The following POLK variants were observed in gnomAD, a reference collection of about 807,000 sequenced individuals.
The protein encoded by POLK is DNA polymerase kappa.
Under a neutral mutation model 94.0 loss-of-function variants are expected in POLK, and 76 were observed. That is an observed-to-expected ratio of 0.81 (90% CI 0.67 to 0.98). The LOEUF is 0.98. Among genes scored for constraint, POLK ranks in the 50% least tolerant of loss-of-function variants. The pLI is 0.00. For missense variants in POLK, 954 were observed against 1,010.1 expected, an observed-to-expected ratio of 0.94 and a Z score of 0.75; for synonymous variants, 349 against 325.4, an observed-to-expected ratio of 1.07 and a Z score of -0.78.
intron 3 of POLK, among the ~76,000 whole-genome samples, chr5:75,553,637 T>G (rs1770438345): frequency 6.6e-6 from 1 of 152,216 alleles, no homozygotes; most frequent in Non-Finnish European, 1.5e-5. Context: ...TTTCAGTTTT[T>G]TATTTCATAC....
intron 1 of POLK, among the ~76,000 whole-genome samples, chr5:75,534,390 T>A (rs1769344492): frequency 6.6e-6 from 1 of 152,086 alleles, no homozygotes; most frequent in Non-Finnish European, 1.5e-5. Context: ...ATGTCGATGA[T>A]CTTTGTTCCT....
At chr5:75,558,543 C>A (rs189806400) in intron 3 of POLK, among the ~76,000 whole-genome samples, 26 of 152,166 alleles carry the variant, frequency 1.7e-4, no homozygotes, top group Admixed American at 1.2e-3. Flanking sequence ...TGATTTATTT[C>A]TGGACTCTCT....
chr5:75,536,333 G>T (rs976300627), intron 1 of POLK, among the ~76,000 whole-genome samples: 9 of 152,158 alleles, frequency 5.9e-5, no homozygotes, highest in African/African-American at 1.7e-4. Flanking sequence ...TGCAACATCA[G>T]CCCTAATCTG....
intron 13 of POLK, 91 bp downstream of exon 13, chr5:75,597,269 T>C (rs1293620160): frequency 1.4e-6 from 1 of 732,392 alleles, no homozygotes; most frequent in African/African-American, 1.8e-5. Context: ...AAACATATAC[T>C]ATTAAATGGG....
intron 1 of POLK, among the ~76,000 whole-genome samples, chr5:75,519,891 A>G (rs966635148): frequency 4.6e-5 from 7 of 152,084 alleles, no homozygotes; most frequent in Non-Finnish European, 1.0e-4. Flanking sequence ...TATTATTGGT[A>G]AGTAAGAACT....
At chr5:75,559,499 G>A (rs950637317) in intron 3 of POLK, among the ~76,000 whole-genome samples, 1 of 145,036 alleles carries the variant, frequency 6.9e-6, no homozygotes, top group African/African-American at 2.5e-5. Context: ...TATTGATTTG[G>A]GGTTTGTTTT....
intron 4 of POLK, among the ~76,000 whole-genome samples, chr5:75,573,289 C>CA (rs1159706320): frequency 1.2e-4 from 18 of 152,022 alleles, no homozygotes; most frequent in Non-Finnish European, 2.4e-4. Context: ...CACATGTTCT[C>CA]ACTCATAGAT....
chr5:75,584,706 A>G (rs1772371755), intron 8 of POLK, 54 bp from the exon 9 acceptor site: 2 of 1,077,422 alleles, frequency 1.9e-6, no homozygotes, highest in Non-Finnish European at 2.6e-6. Flanking sequence ...TTGTAATCTC[A>G]ATTTTTAGCT....
chr5:75,582,022 T>C (rs1772221081), intron 7 of POLK: 1 of 985,342 alleles, frequency 1.0e-6, no homozygotes, highest in Admixed American at 6.1e-5. Flanking sequence ...AAAATATATT[T>C]TTATTGGTTT....
chr5:75,535,810 G>T (rs1232384960), intron 1 of POLK, among the ~76,000 whole-genome samples: 2 of 152,094 alleles, frequency 1.3e-5, no homozygotes, highest in Admixed American at 1.3e-4. Flanking sequence ...AGATGAGTTT[G>T]GTTCTTTCAT....
At chr5:75,563,405 G>T (rs1771094221) in intron 3 of POLK, among the ~76,000 whole-genome samples, 1 of 151,732 alleles carries the variant, frequency 6.6e-6, no homozygotes, top group African/African-American at 2.4e-5. Flanking sequence ...CTTCAGTTTT[G>T]CTCTGATCTC....
Position 75,536,313 on chromosome 5 carries a change from G to GC in POLK, c.-13-10696dup, listed in dbSNP as rs1439387317. ...GTCAGGTTCCTCAGTTGGCAGAGAG[G>GC]CTGCATTCTTGCAACATCAGCCCTA... On this transcript the variant is annotated intron_variant, in intron 1 of 14. Coordinates refer to ENST00000241436, the Ensembl canonical transcript of POLK. Among the ~76,000 whole-genome samples, 3 of 152,092 alleles carry GC rather than the reference G, an allele frequency of 2.0e-5. No homozygotes were observed. In the East Asian group the frequency reaches 5.8e-4, roughly 29 times the overall value.
At chr5:75,516,204 G>C (rs1341112847) in intron 1 of POLK, among the ~76,000 whole-genome samples, 1 of 152,172 alleles carries the variant, frequency 6.6e-6, no homozygotes, top group Non-Finnish European at 1.5e-5. Context: ...TGTTCACTCA[G>C]CTGTGAAGAA....
chr5:75,524,551 A>G (rs1395131859), intron 1 of POLK, among the ~76,000 whole-genome samples: 2 of 152,126 alleles, frequency 1.3e-5, no homozygotes, highest in African/African-American at 4.8e-5. Context: ...TTGCTTTTAA[A>G]TTTTTGAGAA....
At chr5:75,552,447 T>C (rs776371154) in intron 2 of POLK, 25 bp from the exon 3 acceptor site, 16 of 1,601,376 alleles carry the variant, frequency 1.0e-5, no homozygotes, top group Non-Finnish European at 1.4e-5. Flanking sequence ...ATTTTTCTTA[T>C]GCTTTGTTTT....
At chr5:75,606,506 C>T in the POLK span, among the ~76,000 whole-genome samples, 2 of 101,524 alleles carry the variant, frequency 2.0e-5, no homozygotes, top group African/African-American at 4.0e-5. Flanking sequence ...TGCGGCCTTC[C>T]GCAGTTTTTG....
chr5:75,514,372 A>G (rs984696997), intron 1 of POLK, among the ~76,000 whole-genome samples: 7 of 152,202 alleles, frequency 4.6e-5, no homozygotes, highest in African/African-American at 1.4e-4. Context: ...AAGTTGTGGG[A>G]ACTGCAATTA....
At chr5:75,516,415 T>C (rs76018982) in intron 1 of POLK, among the ~76,000 whole-genome samples, 7,513 of 151,866 alleles carry the variant, frequency 0.049, 561 homozygotes, top group African/African-American at 0.17. Context: ...AGACCCTACT[T>C]TTGCAAAAAG....
chr5:75,562,031 C>A (rs1287271826), intron 3 of POLK, among the ~76,000 whole-genome samples: 1 of 152,054 alleles, frequency 6.6e-6, no homozygotes, highest in Non-Finnish European at 1.5e-5. Flanking sequence ...GTAGTTTTTT[C>A]TAATTCTGTA....
Sources: gnomAD v4.1 joint callset for allele counts (sites outside exome capture counted in the v4.1 genomes callset) on GRCh38, gnomAD v4.1.1 for gene constraint, MANE v1.5 for transcripts, NCBI Gene and HGNC (gene_info 2026-07-23, HGNC 2026-07-21) for gene names.